DROSHA: variants seen among roughly 807,000 people sequenced by gnomAD.
The protein encoded by DROSHA is ribonuclease 3.
Under a neutral mutation model 181.9 loss-of-function variants are expected in DROSHA, and 56 were observed. That is an observed-to-expected ratio of 0.31 (90% CI 0.25 to 0.38). DROSHA has a LOEUF of 0.38. Among genes scored for constraint, DROSHA ranks in the 10% least tolerant of loss-of-function variants. DROSHA has a pLI of 1.00. For missense variants in DROSHA, 1,218 were observed against 1,743.5 expected (o/e 0.70, Z 5.37); for synonymous variants, 524 against 591.2 (o/e 0.89, Z 1.65).
intron 20 of DROSHA, among the ~76,000 whole-genome samples, chr5:31,459,906 T>G (rs538721078): frequency 1.2e-4 from 19 of 152,288 alleles, no homozygotes; most frequent in African/African-American, 4.6e-4. Flanking sequence ...TTTTTTTCCT[T>G]AAGAAGTTAC....
intron 11 of DROSHA, among the ~76,000 whole-genome samples, chr5:31,496,514 G>A (rs1314598184): frequency 1.3e-5 from 2 of 152,212 alleles, no homozygotes; most frequent in East Asian, 1.9e-4. Context: ...TCCCATGGAG[G>A]TGGCAGCTGC....
chr5:31,526,098 G>C lies in DROSHA; in HGVS notation c.835C>G (p.Arg279Gly), dbSNP rs201276010. 2.5e-6 allele frequency: 4 copies of C among 1,595,924 alleles called. No individual in the cohort carries two copies. The highest frequency in any genetic ancestry group is 3.4e-6 in the Non-Finnish European group (4 of 1,165,984). Reference protein sequence around the residue: ...YDRGRTPSRHRSYERSRERER... With the variant: ...YDRGRTPSRHGSYERSRERER... ...GTTTACCTGCTCCGTTCGTAGCTGCGGTGGCGAGATGGTGTTCTCCCTCGG... is the reference window on the plus strand; with the variant it reads ...GTTTACCTGCTCCGTTCGTAGCTGCCGTGGCGAGATGGTGTTCTCCCTCGG... The change falls in exon 5 of 36, where the codon CGC becomes GGC. Residue 279 changes from arginine to glycine, a missense_variant. Arg to Gly is a moderately radical substitution (Grantham distance 125). This residue lies in a region of DROSHA where 536 missense variants were observed against 535.4 expected (regional missense o/e 1.00). Transcript: ENST00000344624.
In DROSHA at chr5:31,409,181, A is replaced by G; in HGVS notation, c.3751-22T>C. ...ACTCCTGTGGAAGTCCCCCAAAACT[A>G]TTTAGTAATGGGTTCTGGAATCACC... On this transcript the variant is annotated intron_variant, in intron 32 of 35. Coordinates refer to ENST00000344624, the MANE Select transcript of DROSHA (RefSeq NM_001382508.1). The surrounding 1 kb of genome is among the most constrained non-coding windows in gnomAD (Gnocchi z 4.0). 2 of 1,612,384 alleles carry G rather than the reference A, an allele frequency of 1.2e-6. No individual in the cohort carries two copies. The highest frequency in any genetic ancestry group is 1.7e-6 in the Non-Finnish European group (2 of 1,179,184).
intron 30 of DROSHA, among the ~76,000 whole-genome samples, chr5:31,416,590 C>T (rs958463146): frequency 4.6e-5 from 7 of 152,090 alleles, no homozygotes; most frequent in Non-Finnish European, 1.0e-4. Context: ...GAAGTCACAC[C>T]AGAAAGGACA....
intron 14 of DROSHA, among the ~76,000 whole-genome samples, chr5:31,486,261 G>GT (rs1751740830): frequency 6.6e-6 from 1 of 152,088 alleles, no homozygotes; most frequent in Non-Finnish European, 1.5e-5. Context: ...ATCAGCAGAC[G>GT]TAACACAAGG....
intron 20 of DROSHA, among the ~76,000 whole-genome samples, chr5:31,461,673 A>T (rs528504368): frequency 6.6e-6 from 1 of 152,132 alleles, no homozygotes; most frequent in Non-Finnish European, 1.5e-5. Flanking sequence ...TATTTGTTGC[A>T]AAAATACTTA....
chr5:31,445,551 A>G (rs1420907868), intron 23 of DROSHA, among the ~76,000 whole-genome samples: 2 of 152,210 alleles, frequency 1.3e-5, no homozygotes, highest in Non-Finnish European at 2.9e-5. Flanking sequence ...CACAAATCTT[A>G]AGCAAAATAC....
intron 23 of DROSHA, among the ~76,000 whole-genome samples, chr5:31,446,446 CAAAAAAAAAA>C (rs60001713): frequency 6.7e-5 from 4 of 59,346 alleles, no homozygotes; most frequent in African/African-American, 2.2e-4. Context: ...GACTCTGTCT[CAAAAAAAAAA>C]AAAAAAAAAA....
chr5:31,515,670 A>G, intron 6 of DROSHA, 106 bp from the exon 7 acceptor site: 7 of 1,453,284 alleles, frequency 4.8e-6, no homozygotes, highest in Non-Finnish European at 5.5e-6. Context: ...TTTGCCAGGA[A>G]AAAAAGATTT....
At chr5:31,477,296 GAGTATTTCTCAACTGTTAGTACT>G (rs1265631989) in intron 16 of DROSHA, among the ~76,000 whole-genome samples, 1 of 152,126 alleles carries the variant, frequency 6.6e-6, no homozygotes, top group East Asian at 1.9e-4. Flanking sequence ...CTGCTTATAA[GAGTATTTCTCAACTGTTAGTACT>G]CAACTTTAAG....
chr5:31,411,535 C>G lies in DROSHA; in HGVS notation c.3526-648G>C, dbSNP rs1013512479. ...GACTTAAGTGAGGTTTAAGTAAATA[C>G]TATGAAAAGATTTAAATTATTTATT... On this transcript the variant is annotated intron_variant, in intron 30 of 35. Transcript: ENST00000344624. The surrounding 1 kb of genome is among the most constrained non-coding windows in gnomAD (Gnocchi z 4.2). Among the ~76,000 whole-genome samples, 1 of 152,040 alleles carries G rather than the reference C, an allele frequency of 6.6e-6. No individual in the cohort carries two copies. The highest frequency in any genetic ancestry group is 1.5e-5 in the Non-Finnish European group (1 of 68,016).
At chr5:31,524,321 G>A (rs945765150) in intron 5 of DROSHA, among the ~76,000 whole-genome samples, 2 of 152,216 alleles carry the variant, frequency 1.3e-5, no homozygotes, top group Non-Finnish European at 2.9e-5. Context: ...TGAGAAAAAT[G>A]TGGAAACAGA....
intron 8 of DROSHA, among the ~76,000 whole-genome samples, chr5:31,512,952 C>T (rs1408420155): frequency 6.6e-6 from 1 of 152,216 alleles, no homozygotes; most frequent in South Asian, 2.1e-4. Context: ...GGAGCACAGA[C>T]CTGCTGACAT....
At chr5:31,521,740 C>G (rs907117379) in intron 5 of DROSHA, among the ~76,000 whole-genome samples, 1 of 151,918 alleles carries the variant, frequency 6.6e-6, no homozygotes, top group East Asian at 1.9e-4. Context: ...GACTAAGTCA[C>G]TTGAATGCTA....
Position 31,508,837 on chromosome 5 carries a change from TC to T in DROSHA, c.1433-63del, listed in dbSNP as rs35304331. 1.3e-4 allele frequency: 195 copies of T among 1,528,650 alleles called. No homozygotes were observed. The East Asian group carries it at 2.1e-3, about 16-fold the overall frequency. 94.7% of individuals were successfully genotyped at this position (1,528,650 alleles called of 1,614,324 possible). A position where few individuals can be genotyped will look rare whatever the true frequency, so the allele number is the denominator to read the frequency against. On this transcript the variant is annotated intron_variant, in intron 9 of 35. Coordinates refer to ENST00000344624, the MANE Select transcript of DROSHA (RefSeq NM_001382508.1). ...GAATTAACAAACTGGTTTTTTTTTT[TC>T]CCTGAGTTGGAGTCTCGCTCTGTCA...
chr5:31,474,129 TAA>T (rs1394164793), intron 16 of DROSHA, among the ~76,000 whole-genome samples: 2 of 152,210 alleles, frequency 1.3e-5, no homozygotes, highest in Non-Finnish European at 2.9e-5. Context: ...ATCAAAGTTC[TAA>T]AGACACTGTG....
rs369369778 is a variant in DROSHA at position 31,410,733 on chromosome 5, G to A, written c.3667+13C>T. The A allele has an allele frequency of 2.5e-6, 4 of 1,611,810 alleles. No homozygotes were observed. The highest frequency in any genetic ancestry group is 2.2e-5 in the South Asian group (2 of 90,724). On this transcript the variant is annotated intron_variant, in intron 31 of 35. Coordinates refer to ENST00000344624, the MANE Select transcript of DROSHA (RefSeq NM_001382508.1). ...TGAACCTGGAGGTTGAGAGAAAAGT[G>A]TGTGGCACTCACATTCCAAAAGGTC...
intron 23 of DROSHA, among the ~76,000 whole-genome samples, chr5:31,444,105 C>A (rs892605932): frequency 6.6e-6 from 1 of 152,198 alleles, no homozygotes; most frequent in African/African-American, 2.4e-5. Flanking sequence ...GGAAGTTTTA[C>A]AATGACGATC....
At chr5:31,469,409 TAACA>T (rs1749487832) in intron 17 of DROSHA, among the ~76,000 whole-genome samples, 1 of 152,156 alleles carries the variant, frequency 6.6e-6, no homozygotes, top group South Asian at 2.1e-4. Context: ...AAGTGTCATT[TAACA>T]AACAAAATGT....
Sources: gnomAD v4.1 joint callset for allele counts (sites outside exome capture counted in the v4.1 genomes callset) on GRCh38, gnomAD v4.1.1 for gene constraint, gnomAD v4.1.1 regional missense constraint, Gnocchi (gnomAD v3.1) non-coding constraint, MANE v1.5 for transcripts, NCBI Gene and HGNC (gene_info 2026-07-23, HGNC 2026-07-21) for gene names.